PNPT1: variants seen among roughly 807,000 people sequenced by gnomAD.
The protein encoded by PNPT1 is polyribonucleotide nucleotidyltransferase 1, also known as polyribonucleotide nucleotidyltransferase 1, mitochondrial.
In PNPT1, 53 loss-of-function variants were observed where a neutral mutation model predicts 119.5. That is an observed-to-expected ratio of 0.44 (90% CI 0.36 to 0.56). The LOEUF (loss-of-function observed/expected upper bound fraction) is 0.56. Ranked by LOEUF, PNPT1 falls within the 20% of genes least tolerant of loss-of-function variation. The pLI is 0.00. For synonymous variants in PNPT1, 357 were observed against 322.1 expected (o/e 1.11, Z -1.16); for missense variants, 948 against 938.5 (o/e 1.01, Z -0.13).
Position 55,646,250 on chromosome 2 carries a change from C to T in PNPT1, c.1738+9G>A, listed in dbSNP as rs7584120. On this transcript the variant is annotated intron_variant, in intron 21 of 27. Transcript: ENST00000447944. ...AAGAATGAAGGGAGAATCAAGCACA[C>T]TAGCTCACCTGAAGCTTGTTGAATA... 1 of 1,607,764 alleles carries T rather than the reference C, an allele frequency of 6.2e-7. No homozygotes were observed. The highest frequency in any genetic ancestry group is 2.2e-5 in the East Asian group (1 of 44,794).
At position 55,647,367 on chromosome 2, in the gene PNPT1, G is replaced by T. The variant is rs766817661; in HGVS notation, c.1582C>A (p.Arg528Ser). The T allele has an allele frequency of 2.5e-6, 4 of 1,607,350 alleles. No homozygotes were observed. The highest frequency in any genetic ancestry group is 3.4e-6 in the Non-Finnish European group (4 of 1,176,256). ...CTTGCCAAAATATCTGTCAGCAAACGATAATCTTCTATTTCACCCTTCTCA... is the reference window on the plus strand; with the variant it reads ...CTTGCCAAAATATCTGTCAGCAAACTATAATCTTCTATTTCACCCTTCTCA... ...DPEKGEIEDYRLLTDILGIED... is the reference protein window; with the variant it reads ...DPEKGEIEDYSLLTDILGIED... The change falls in exon 19 of 28, where the codon CGT (arginine) becomes AGT (serine). Residue 528 changes from arginine (R) to serine (S), a missense_variant. By Grantham distance (110) the Arg-to-Ser change is moderately radical. Transcript: ENST00000447944.
intron 11 of PNPT1, among the ~76,000 whole-genome samples, chr2:55,668,677 G>A (rs927763581): frequency 6.6e-6 from 1 of 151,970 alleles, no homozygotes; most frequent in African/African-American, 2.4e-5. Context: ...TCAGCTCACC[G>A]CAACCATCGC....
At chr2:55,684,431 T>C (rs768001312) in intron 4 of PNPT1, among the ~76,000 whole-genome samples, 15 of 152,144 alleles carry the variant, frequency 9.9e-5, no homozygotes, top group Non-Finnish European at 1.8e-4. Context: ...GCCACTGCAC[T>C]CCAGCCTGGG....
At position 55,634,763 on chromosome 2, in the gene PNPT1, C is replaced by G. The variant is rs1157401954; in HGVS notation, c.*1474G>C. On this transcript the variant is annotated 3_prime_UTR_variant, in exon 28 of 28. Transcript: ENST00000447944. ...TAGAGATGGGGTTTCACCATGTTGG[C>G]CAGGCTGGTCTCGAACTCCTGACCT... The G allele has an allele frequency of 3.3e-5, 5 of 152,102 alleles. No individual in the cohort carries two copies. Among genetic ancestry groups the G allele is most frequent in the Admixed American group, 2.6e-4 (4 of 15,258 alleles). The allele number at this position is 152,102 out of a possible 1,614,324, so 9.4% of individuals were successfully genotyped here.
At chr2:55,646,863 C>T (rs560985895) in intron 19 of PNPT1, among the ~76,000 whole-genome samples, 174 of 152,196 alleles carry the variant, frequency 1.1e-3, no homozygotes, top group African/African-American at 4.1e-3. Context: ...TTTTGAGACA[C>T]AGTCTTGCTC....
intron 18 of PNPT1, among the ~76,000 whole-genome samples, chr2:55,654,530 C>T (rs1332217546): frequency 6.6e-6 from 1 of 152,120 alleles, no homozygotes; most frequent in Admixed American, 6.5e-5. Flanking sequence ...TTTACTGGGT[C>T]ACCAATGCAA....
chr2:55,644,933 A>G (rs1695939496), intron 22 of PNPT1: 1 of 409,976 alleles, frequency 2.4e-6, no homozygotes, highest in Admixed American at 4.1e-5. Flanking sequence ...AGTATTTAAA[A>G]TATTTTCGTT....
chr2:55,680,614 A>C, intron 7 of PNPT1, 98 bp downstream of exon 7: 1 of 1,115,562 alleles, frequency 9.0e-7, no homozygotes, highest in Non-Finnish European at 1.3e-6. Context: ...TGAAGAGGTA[A>C]TAAATCAGAG....
intron 1 of PNPT1, among the ~76,000 whole-genome samples, chr2:55,691,878 A>ATATATATTTTTT (rs1326804958): frequency 6.0e-4 from 20 of 33,082 alleles, no homozygotes; most frequent in South Asian, 1.8e-3. Context: ...ATATATATAT[A>ATATATATTTTTT]TTTTTTTTTT....
chr2:55,681,499 G>C (rs1314305432), intron 5 of PNPT1, among the ~76,000 whole-genome samples: 1 of 151,944 alleles, frequency 6.6e-6, no homozygotes, highest in Non-Finnish European at 1.5e-5. Flanking sequence ...ACTTATCACA[G>C]TCCTCGCATG....
At chr2:55,653,890 T>C (rs751725539) in intron 18 of PNPT1, among the ~76,000 whole-genome samples, 6 of 152,192 alleles carry the variant, frequency 3.9e-5, no homozygotes, top group Admixed American at 2.0e-4. Context: ...GTGGCCTCTT[T>C]AGTGTCTTTA....
rs527832790 is a variant in PNPT1 at position 55,657,959 on chromosome 2, C to T, written c.1285-1588G>A. Among the ~76,000 whole-genome samples the T allele has an allele frequency of 6.3e-4, 90 of 142,220 alleles. No homozygotes were observed. In the Middle Eastern group the frequency reaches 0.012, roughly 19 times the overall value. 93.3% of individuals were successfully genotyped at this position (142,220 alleles called of 152,430 possible). Reference sequence around the variant, plus strand: ...AAAAAGACTTAAAGAAATATCAGGCCGGGCATAGTGGCTTATGTCTGTAAT... The same window carrying T: ...AAAAAGACTTAAAGAAATATCAGGCTGGGCATAGTGGCTTATGTCTGTAAT... On this transcript the variant is annotated intron_variant, in intron 15 of 27. Transcript: ENST00000447944.
Position 55,646,280 on chromosome 2 carries a change from C to G in PNPT1, c.1717G>C (p.Glu573Gln), listed in dbSNP as rs1185622350. ...TCACCTGAAGCTTGTTGAATAGCCTCCATCACAATTTTTATTGGTATTCCA... is the reference window on the plus strand; with the variant it reads ...TCACCTGAAGCTTGTTGAATAGCCTGCATCACAATTTTTATTGGTATTCCA... ...LPGIPIKIVMEAIQQASVAKK... is the reference protein window; with the variant it reads ...LPGIPIKIVMQAIQQASVAKK... Residue 573 changes from glutamate to glutamine, a missense_variant, in exon 21 of 28, where the codon GAG becomes CAG. Glu to Gln is a conservative substitution (Grantham distance 29). Coordinates refer to ENST00000447944, the MANE Select transcript of PNPT1 (RefSeq NM_033109.5). The G allele has an allele frequency of 3.7e-6, 6 of 1,613,108 alleles. No homozygotes were observed. In the African/African-American group the frequency reaches 5.3e-5, roughly 14 times the overall value.
chr2:55,670,825 C>T (rs1696887612), intron 11 of PNPT1, among the ~76,000 whole-genome samples: 1 of 152,112 alleles, frequency 6.6e-6, no homozygotes, highest in African/African-American at 2.4e-5. Flanking sequence ...TTACTAGGTA[C>T]CTACTCTGCA....
intron 18 of PNPT1, 69 bp from the exon 19 acceptor site, chr2:55,647,522 A>AT (rs764398532): frequency 0.11 from 99,553 of 926,198 alleles, 2 homozygotes; most frequent in East Asian, 0.12. Context: ...TTATCTATCA[A>AT]TTTTTTTTTT....
intron 9 of PNPT1, 58 bp from the exon 10 acceptor site, chr2:55,672,104 C>A: frequency 1.6e-6 from 2 of 1,255,492 alleles, no homozygotes; most frequent in African/African-American, 1.5e-5. Context: ...GAGGCAGTTT[C>A]TATTATAAAC....
chr2:55,675,387 G>C (rs555049778), intron 8 of PNPT1, among the ~76,000 whole-genome samples: 3 of 152,046 alleles, frequency 2.0e-5, no homozygotes, highest in Middle Eastern at 3.4e-3. Flanking sequence ...CAGGAGATTA[G>C]CCTGGGCAAT....
chr2:55,688,544 G>C (rs1001120506), intron 1 of PNPT1, among the ~76,000 whole-genome samples: 5 of 152,054 alleles, frequency 3.3e-5, no homozygotes, highest in Non-Finnish European at 7.4e-5. Context: ...GGCCAACATG[G>C]TGAAATCCCA....
At chr2:55,672,829 C>T in intron 9 of PNPT1, 64 bp downstream of exon 9, 1 of 1,446,968 alleles carries the variant, frequency 6.9e-7, no homozygotes, top group East Asian at 2.4e-5. Flanking sequence ...TGGGAAGTTT[C>T]TCTCCCACGA....
Sources: gnomAD v4.1 joint callset for allele counts (sites outside exome capture counted in the v4.1 genomes callset) on GRCh38, gnomAD v4.1.1 for gene constraint, MANE v1.5 for transcripts, NCBI Gene and HGNC (gene_info 2026-07-23, HGNC 2026-07-21) for gene names.